The following AFG2A variants were observed in gnomAD, a reference collection of about 807,000 sequenced individuals.
AFG2A encodes AAA ATPase AFG2A.
the AFG2A span, among the ~76,000 whole-genome samples, chr4:123,301,635 C>T: frequency 6.6e-6 from 1 of 152,264 alleles, no homozygotes; most frequent in Admixed American, 6.5e-5. Context: ...ATTTTCTTCT[C>T]ACTCTATGTT....
the AFG2A span, among the ~76,000 whole-genome samples, chr4:123,013,242 C>A: frequency 1.3e-5 from 2 of 152,122 alleles, no homozygotes; most frequent in East Asian, 3.9e-4. Flanking sequence ...AAGGCAGGAA[C>A]AGGCCATTTT....
chr4:123,016,232 C>T, the AFG2A span, among the ~76,000 whole-genome samples: 2 of 149,326 alleles, frequency 1.3e-5, no homozygotes, highest in Non-Finnish European at 3.0e-5. Flanking sequence ...CACCTCCCTC[C>T]CGGACGGGGC....
chr4:122,958,944 G>A, the AFG2A span, among the ~76,000 whole-genome samples: 1 of 152,156 alleles, frequency 6.6e-6, no homozygotes, highest in Non-Finnish European at 1.5e-5. Context: ...CTGGACATTT[G>A]ATTCGCTGAT....
chr4:123,067,929 C>G, the AFG2A span, among the ~76,000 whole-genome samples: 8 of 152,096 alleles, frequency 5.3e-5, no homozygotes, highest in Non-Finnish European at 8.8e-5. Context: ...TTGGTCTGTG[C>G]CTATAGTTTG....
the AFG2A span, among the ~76,000 whole-genome samples, chr4:123,054,429 T>TA: frequency 6.9e-6 from 1 of 144,762 alleles, no homozygotes; most frequent in African/African-American, 2.5e-5. Context: ...TTTTTTTTTT[T>TA]ATGAATTAAG....
the AFG2A span, among the ~76,000 whole-genome samples, chr4:123,053,272 T>A: frequency 6.6e-6 from 1 of 152,336 alleles, no homozygotes; most frequent in East Asian, 1.9e-4. Flanking sequence ...ATCTCTTTGG[T>A]TGATATGGCT....
the AFG2A span, among the ~76,000 whole-genome samples, chr4:123,300,751 TG>T: frequency 1.3e-4 from 9 of 68,474 alleles, no homozygotes; most frequent in African/African-American, 3.1e-4. Context: ...ATGTTTTTTT[TG>T]TTTTTTTTTT....
chr4:123,057,131 T>C, the AFG2A span: 1 of 1,465,660 alleles, frequency 6.8e-7, no homozygotes, highest in Non-Finnish European at 9.5e-7. Flanking sequence ...TGGTTCTAAA[T>C]ATAGTTTTAA....
At chr4:123,031,685 A>C in the AFG2A span, among the ~76,000 whole-genome samples, 13 of 152,262 alleles carry the variant, frequency 8.5e-5, no homozygotes, top group Non-Finnish European at 1.8e-4. Context: ...GATTGAAAGG[A>C]AAAACTCCCT....
chr4:123,245,798 A>T, the AFG2A span, among the ~76,000 whole-genome samples: 5 of 152,206 alleles, frequency 3.3e-5, no homozygotes, highest in African/African-American at 4.8e-5. Context: ...ATACAAATAT[A>T]CGCTAACATG....
the AFG2A span, among the ~76,000 whole-genome samples, chr4:123,200,164 T>C: frequency 1.3e-5 from 2 of 152,364 alleles, no homozygotes; most frequent in East Asian, 1.9e-4. Context: ...TCACATATTA[T>C]GATTGTTTTA....
the AFG2A span, among the ~76,000 whole-genome samples, chr4:123,079,874 C>G: frequency 6.6e-6 from 1 of 151,414 alleles, no homozygotes; most frequent in African/African-American, 2.4e-5. Flanking sequence ...CTCAGCCTCC[C>G]GAGTAGCTGG....
the AFG2A span, among the ~76,000 whole-genome samples, chr4:123,264,065 C>T: frequency 1.3e-5 from 2 of 152,122 alleles, no homozygotes; most frequent in Non-Finnish European, 2.9e-5. Flanking sequence ...TCGCAGCAAC[C>T]TGGATGGAAT....
chr4:123,059,962 G>A, the AFG2A span, among the ~76,000 whole-genome samples: 2 of 152,196 alleles, frequency 1.3e-5, no homozygotes, highest in Admixed American at 1.3e-4. Context: ...TTTTTGAGAA[G>A]TGTCTGTTCA....
At chr4:123,083,969 A>T in the AFG2A span, among the ~76,000 whole-genome samples, 2 of 152,004 alleles carry the variant, frequency 1.3e-5, no homozygotes, top group Non-Finnish European at 2.9e-5. Flanking sequence ...AAGGTTATTA[A>T]TTATTTATTT....
the AFG2A span, among the ~76,000 whole-genome samples, chr4:123,227,046 C>T: frequency 7.2e-5 from 11 of 152,030 alleles, no homozygotes; most frequent in Admixed American, 3.9e-4. Context: ...TCTGTGGGAT[C>T]GGTGGTGATA....
At chr4:123,246,915 A>G in the AFG2A span, among the ~76,000 whole-genome samples, 7 of 152,178 alleles carry the variant, frequency 4.6e-5, no homozygotes, top group South Asian at 1.5e-3. Flanking sequence ...GGATTTGGGA[A>G]ATGTTTCTGG....
At chr4:122,949,263 C>A in the AFG2A span, among the ~76,000 whole-genome samples, 1 of 152,174 alleles carries the variant, frequency 6.6e-6, no homozygotes, top group South Asian at 2.1e-4. Context: ...TCCACTCTAG[C>A]CCATCATTGT....
At chr4:123,141,794 A>G in the AFG2A span, among the ~76,000 whole-genome samples, 8 of 152,116 alleles carry the variant, frequency 5.3e-5, no homozygotes, top group African/African-American at 1.7e-4. Context: ...GGTATTCCCT[A>G]TATATTCTGG....
Sources: gnomAD v4.1 joint callset for allele counts (sites outside exome capture counted in the v4.1 genomes callset) on GRCh38, gnomAD v4.1.1 for gene constraint, MANE v1.5 for transcripts, NCBI Gene and HGNC (gene_info 2026-07-23, HGNC 2026-07-21) for gene names.